The following ALPK3 variants were observed in gnomAD, a reference collection of about 807,000 sequenced individuals.
The protein encoded by ALPK3 is alpha-protein kinase 3.
A neutral mutation model predicts 140.0 loss-of-function variants in ALPK3; 102 were observed. The ratio of observed to expected loss-of-function variants is 0.73; its 90% CI spans 0.62 to 0.86. The LOEUF (loss-of-function observed/expected upper bound fraction) is 0.86. ALPK3 is among the 40% of genes least tolerant of loss of function. The pLI is 0.00. For synonymous variants in ALPK3, 938 were observed against 898.5 expected (o/e 1.04, Z -0.79); for missense variants, 2,254 against 2,208.2 (o/e 1.02, Z -0.42).
intron 5 of ALPK3, among the ~76,000 whole-genome samples, chr15:84,850,963 A>G (rs1042725680): frequency 8.6e-5 from 13 of 152,006 alleles, no homozygotes; most frequent in Non-Finnish European, 1.0e-4. Flanking sequence ...GTAGAAGTGT[A>G]CAGAGAATAT....
chr15:84,839,405 C>T (rs1963630529), intron 4 of ALPK3, among the ~76,000 whole-genome samples: 1 of 152,240 alleles, frequency 6.6e-6, no homozygotes, highest in South Asian at 2.1e-4. Context: ...ATCATCATGA[C>T]TTCACGAGGG....
rs772697378 is a variant in ALPK3 at position 84,858,204 on chromosome 15, C to T, written c.3466C>T (p.Pro1156Ser). The T allele has an allele frequency of 6.6e-5, 106 of 1,612,644 alleles. No individual in the cohort carries two copies. The highest frequency in any genetic ancestry group is 8.8e-5 in the Non-Finnish European group (104 of 1,179,440). Residue 1156 changes from proline (P) to serine (S), a missense_variant, in exon 6 of 14, where the codon CCT (proline) becomes TCT (serine). Transcript: ENST00000258888. ...EALTGLPAAT[P>S]EELALGARRK... ...TCTGACAGGTCTCCCGGCAGCTACACCTGAGGAACTGGCTCTAGGGGCCCG... is the reference window on the plus strand; with the variant it reads ...TCTGACAGGTCTCCCGGCAGCTACATCTGAGGAACTGGCTCTAGGGGCCCG...
At chr15:84,859,694 C>T (rs1963918690) in intron 7 of ALPK3, 82 bp from the exon 8 acceptor site, 1 of 1,487,680 alleles carries the variant, frequency 6.7e-7, no homozygotes, top group Non-Finnish European at 8.9e-7. Context: ...ACAGCAGCCT[C>T]TGAGAGTGGG....
chr15:84,857,061 T>C lies in ALPK3; in HGVS notation c.2323T>C (p.Ser775Pro). 1 of 1,614,164 alleles carries C rather than the reference T, an allele frequency of 6.2e-7. No homozygotes were observed. Among genetic ancestry groups the C allele is most frequent in the South Asian group, 1.1e-5 (1 of 91,076 alleles). The part of the protein sequence containing the change: ...FPKKPGCLPR[S>P]EEAVVTASRN... ...AAAAAAACCTGGTTGCCTGCCCAGA[T>C]CTGAGGAGGCAGTAGTAACAGCCTC... Residue 775 changes from serine (S) to proline (P), a missense_variant, in exon 6 of 14, where the codon TCT (serine) becomes CCT (proline). By Grantham distance (74) the Ser-to-Pro change is moderately conservative. Around this residue, in one of 3 missense-constraint regions of ALPK3, gnomAD observed 2,088 missense variants for 2,022.9 expected, o/e 1.03. Transcript: ENST00000258888.
chr15:84,839,844 G>C lies in ALPK3; in HGVS notation c.565G>C (p.Ala189Pro). ...CTGGTTCGCCAAGTTGAAGCGCAAGGCTGCGGCAAAGCTGCGCGAGATCGA... is the reference window on the plus strand; with the variant it reads ...CTGGTTCGCCAAGTTGAAGCGCAAGCCTGCGGCAAAGCTGCGCGAGATCGA... ...QRWFAKLKRK[A>P]AAKLREIEQS... The change falls in exon 5 of 14, where the codon GCT becomes CCT. Residue 189 changes from alanine to proline, a missense_variant. Around this residue, in one of 3 missense-constraint regions of ALPK3, gnomAD observed 2,088 missense variants for 2,022.9 expected, o/e 1.03. Transcript: ENST00000258888. 2 of 1,614,126 alleles carry C rather than the reference G, an allele frequency of 1.2e-6. No individual in the cohort carries two copies. The highest frequency in any genetic ancestry group is 1.7e-6 in the Non-Finnish European group (2 of 1,180,044).
At chr15:84,851,236 T>C (rs1198175990) in intron 5 of ALPK3, among the ~76,000 whole-genome samples, 1 of 152,098 alleles carries the variant, frequency 6.6e-6, no homozygotes, top group Non-Finnish European at 1.5e-5. Flanking sequence ...CTTCAGGTGG[T>C]CAAGGAGTAG....
At chr15:84,852,263 C>A (rs1963813317) in intron 5 of ALPK3, among the ~76,000 whole-genome samples, 1 of 152,168 alleles carries the variant, frequency 6.6e-6, no homozygotes, top group African/African-American at 2.4e-5. Context: ...GATACCAGGA[C>A]AGTTGATCTG....
intron 3 of ALPK3, 28 bp downstream of exon 3, chr15:84,827,633 C>A (rs761504338): frequency 2.9e-5 from 47 of 1,612,870 alleles, no homozygotes; most frequent in South Asian, 5.5e-5. Flanking sequence ...ATGCTCCATG[C>A]CAGGGCCTCT....
At chr15:84,852,576 G>A (rs1439384478) in intron 5 of ALPK3, 8 of 298,588 alleles carry the variant, frequency 2.7e-5, no homozygotes, top group East Asian at 1.0e-4. Context: ...TGCTCACAGC[G>A]TTAAGAGCTC....
chr15:84,850,103 A>G (rs1963785601), intron 5 of ALPK3, among the ~76,000 whole-genome samples: 1 of 150,852 alleles, frequency 6.6e-6, no homozygotes, highest in African/African-American at 2.4e-5. Flanking sequence ...AAAAAAGACT[A>G]CTATGAAAAA....
chr15:84,833,961 G>GTGTGTGTGTGTA (rs1445968136), intron 3 of ALPK3, among the ~76,000 whole-genome samples: 1 of 150,060 alleles, frequency 6.7e-6, no homozygotes, highest in East Asian at 1.9e-4. Context: ...TCTGTGTTGT[G>GTGTGTGTGTGTA]TGTGTGTGTG....
chr15:84,858,887 T>G (rs997948918), intron 6 of ALPK3, among the ~76,000 whole-genome samples: 1 of 152,190 alleles, frequency 6.6e-6, no homozygotes, highest in Non-Finnish European at 1.5e-5. Flanking sequence ...TACAGAGATG[T>G]CGCATGATTA....
At chr15:84,834,109 G>A (rs554411946) in intron 3 of ALPK3, among the ~76,000 whole-genome samples, 39 of 152,102 alleles carry the variant, frequency 2.6e-4, no homozygotes, top group Non-Finnish European at 5.1e-4. Context: ...ACTTTTTTTA[G>A]AGAAGTAAGT....
chr15:84,868,336 C>T lies in ALPK3; in HGVS notation c.4998C>T (p.Gly1666=), dbSNP rs749593573. 1.0e-4 allele frequency: 166 copies of T among 1,614,140 alleles called. No individual in the cohort carries two copies. Among genetic ancestry groups the T allele is most frequent in the Middle Eastern group, 1.6e-4 (1 of 6,062 alleles). Residue 1666 remains glycine (G), a synonymous_variant, in exon 14 of 14, where the codon GGC becomes GGT. Transcript: ENST00000258888. ...PQKKGLPSPQ[G]TRKSAPSSKA... ...AGAAAGGCCTCCCTAGTCCTCAGGGCACCCGGAAGAGTGCTCCAAGTTCCA... is the reference window on the plus strand; with the variant it reads ...AGAAAGGCCTCCCTAGTCCTCAGGGTACCCGGAAGAGTGCTCCAAGTTCCA...
In ALPK3 at chr15:84,862,830, G is replaced by A; in HGVS notation, c.4325G>A (p.Cys1442Tyr). The A allele has an allele frequency of 6.2e-7, 1 of 1,614,156 alleles. No homozygotes were observed. Among genetic ancestry groups the A allele is most frequent in the South Asian group, 1.1e-5 (1 of 91,086 alleles). Residue 1442 changes from cysteine (C) to tyrosine (Y), a missense_variant, in exon 10 of 14, where the codon TGC (cysteine) becomes TAC (tyrosine). Cys to Tyr is a radical substitution (Grantham distance 194). Around this residue, in one of 3 missense-constraint regions of ALPK3, gnomAD observed 2,088 missense variants for 2,022.9 expected, o/e 1.03. Transcript: ENST00000258888. ...LEPIFESGRT[C>Y]IIKVSSLLVF... ...CCCATCTTCGAGTCGGGCCGCACGTGCATCATCAAGGTGTCCAGCCTGCTT... is the reference window on the plus strand; with the variant it reads ...CCCATCTTCGAGTCGGGCCGCACGTACATCATCAAGGTGTCCAGCCTGCTT...
chr15:84,859,245 C>T lies in ALPK3; in HGVS notation c.3820C>T (p.Pro1274Ser), dbSNP rs1447097638. 13 of 1,613,916 alleles carry T rather than the reference C, an allele frequency of 8.1e-6. No homozygotes were observed. In the East Asian group the frequency reaches 2.9e-4, roughly 36 times the overall value. ...TCTTGACTGGGCCCTGCTCTCAGCCCCACAGGTGATCCGGAAGATTCGGGT... is the reference window on the plus strand; with the variant it reads ...TCTTGACTGGGCCCTGCTCTCAGCCTCACAGGTGATCCGGAAGATTCGGGT... ...PRKAKDLLKA[P>S]QVIRKIRVEQ... Residue 1274 changes from proline (P) to serine (S), a missense_variant and splice_region_variant, in exon 7 of 14, where the codon CCA (proline) becomes TCA (serine). Coordinates refer to ENST00000258888, the MANE Select transcript of ALPK3 (RefSeq NM_020778.5).
At chr15:84,826,533 G>A (rs1386290351) in intron 2 of ALPK3, among the ~76,000 whole-genome samples, 1 of 152,152 alleles carries the variant, frequency 6.6e-6, no homozygotes, top group African/African-American at 2.4e-5. Flanking sequence ...ACCTAGGAAC[G>A]CACTGTGTCT....
chr15:84,868,369 C>T lies in ALPK3; in HGVS notation c.5031C>T (p.Thr1677=), dbSNP rs201667275. 5 of 1,614,030 alleles carry T rather than the reference C, an allele frequency of 3.1e-6. No individual in the cohort carries two copies. The East Asian group carries it at 1.1e-4, about 36-fold the overall frequency. The change falls in exon 14 of 14, where the codon ACC becomes ACT. Residue 1677 remains threonine, a synonymous_variant. Coordinates refer to ENST00000258888, the MANE Select transcript of ALPK3 (RefSeq NM_020778.5). ...TRKSAPSSKA[T]PQASEPVTTQ... ...AGAGTGCTCCAAGTTCCAAGGCCAC[C>T]CCTCAGGCCTCAGAGCCAGTCACCA...
At chr15:84,818,442 C>T (rs972133927) in intron 1 of ALPK3, among the ~76,000 whole-genome samples, 1 of 152,230 alleles carries the variant, frequency 6.6e-6, no homozygotes, top group Non-Finnish European at 1.5e-5. Flanking sequence ...CTTCCTGCCC[C>T]CTGTGGGCAG....
Sources: allele counts gnomAD v4.1 joint callset (sites outside exome capture counted in the v4.1 genomes callset), GRCh38; gene constraint gnomAD v4.1.1; regional missense constraint gnomAD v4.1.1; transcripts MANE v1.5; gene names NCBI Gene and HGNC (gene_info 2026-07-23, HGNC 2026-07-21).